The following CEP162 variants were observed in gnomAD, a reference collection of about 807,000 sequenced individuals.
CEP162 encodes centrosomal protein of 162 kDa.
CEP162 carries 141 observed loss-of-function variants against 169.2 expected under a neutral mutation model. The ratio of observed to expected loss-of-function variants is 0.83; its 90% CI spans 0.73 to 0.96. The LOEUF (loss-of-function observed/expected upper bound fraction) is 0.96, where lower values mean the gene tolerates loss of function less well. Among genes scored for constraint, CEP162 ranks in the 40% least tolerant of loss-of-function variants. The pLI, the probability that CEP162 is intolerant of heterozygous loss-of-function variation, is 0.00. For missense variants in CEP162, 1,600 were observed against 1,587.2 expected, an observed-to-expected ratio of 1.01 and a Z score of -0.14; for synonymous variants, 540 against 526.4, an observed-to-expected ratio of 1.03 and a Z score of -0.35.
At chr6:84,212,606 A>T (rs1344819869) in intron 6 of CEP162, among the ~76,000 whole-genome samples, 1 of 151,852 alleles carries the variant, frequency 6.6e-6, no homozygotes, top group Non-Finnish European at 1.5e-5. Flanking sequence ...AAGGAAGGAC[A>T]AAAGCAACAA....
chr6:84,155,375 C>A lies in CEP162; in HGVS notation c.2917G>T (p.Glu973Ter). ...EFMEKRIKKLEADLEGKDEDA... is the reference protein window; with the variant it reads ...EFMEKRIKKL ...TCATCTTTGCCCTCCAGATCAGCTT[C>A]TAGCTTTTTTATCCTTTTCTCCATA... Residue 973 changes from glutamate to a stop codon, truncating the protein, a stop_gained, in exon 22 of 27, where the codon GAA becomes TAA. Coordinates refer to ENST00000403245, the MANE Select transcript of CEP162 (RefSeq NM_014895.4). LOFTEE classifies it high-confidence loss of function. The A allele has an allele frequency of 6.2e-7, 1 of 1,613,690 alleles. No homozygotes were observed. Among genetic ancestry groups the A allele is most frequent in the Non-Finnish European group, 8.5e-7 (1 of 1,179,716 alleles).
rs1268249748 is a variant in CEP162, at chr6:84,185,397, G to C, written c.1453C>G (p.Gln485Glu). 11 of 1,613,366 alleles carry C rather than the reference G, an allele frequency of 6.8e-6. No individual in the cohort carries two copies. Among genetic ancestry groups the C allele is most frequent in the Non-Finnish European group, 1.7e-6 (2 of 1,179,420 alleles). Reference protein sequence around the residue: ...SEEEGAVMGKQVPYKKARSAP... With the variant: ...SEEEGAVMGKEVPYKKARSAP... Reference sequence around the variant, plus strand: ...CTTCTGGCCTTCTTGTATGGTACCTGTTTACCCATTACAGCCCCTTCTTCT... The same window carrying C: ...CTTCTGGCCTTCTTGTATGGTACCTCTTTACCCATTACAGCCCCTTCTTCT... Residue 485 changes from glutamine to glutamate, a missense_variant, in exon 13 of 27, where the codon CAG becomes GAG. Physicochemically the swap from Gln to Glu is conservative, Grantham distance 29. Coordinates refer to ENST00000403245, the MANE Select transcript of CEP162 (RefSeq NM_014895.4).
intron 10 of CEP162, 126 bp from the exon 11 acceptor site, chr6:84,193,816 G>C: frequency 2.0e-6 from 1 of 497,098 alleles, no homozygotes; most frequent in South Asian, 3.0e-5. Flanking sequence ...AATAAACCTA[G>C]TTTTCCGTCT....
At chr6:84,216,107 C>A in intron 3 of CEP162, 185 bp from the exon 4 acceptor site, 1 of 764,332 alleles carries the variant, frequency 1.3e-6, no homozygotes, top group Non-Finnish European at 1.9e-6. Flanking sequence ...TATTTGGTGG[C>A]ACTGTATCAT....
In CEP162 at chr6:84,186,614, T is replaced by C; in HGVS notation, c.1119A>G (p.Lys373=). 3 of 1,601,550 alleles carry C rather than the reference T, an allele frequency of 1.9e-6. No individual in the cohort carries two copies. Among genetic ancestry groups the C allele is most frequent in the Non-Finnish European group, 2.6e-6 (3 of 1,175,214 alleles). The change falls in exon 12 of 27, where the codon AAA becomes AAG. Residue 373 remains lysine (K), a synonymous_variant. Coordinates refer to ENST00000403245, the MANE Select transcript of CEP162 (RefSeq NM_014895.4). ...ATTCAGTTTCTTTTCTTTCGGCCAC[T>C]TTCTCAGAGCTATAAAACAAAACAG... is the stretch of plus-strand genomic sequence containing the variant. ...GFDLQPVSSE[K]VAERKETEFF...
chr6:84,137,023 C>T (rs565335159), intron 25 of CEP162, among the ~76,000 whole-genome samples: 8 of 152,256 alleles, frequency 5.3e-5, no homozygotes, highest in South Asian at 2.1e-4. Context: ...TGGGAGCCAC[C>T]GTGCAAGGAT....
chr6:84,210,562 C>T (rs554264502), intron 6 of CEP162, among the ~76,000 whole-genome samples: 14 of 151,970 alleles, frequency 9.2e-5, no homozygotes, highest in Non-Finnish European at 1.9e-4. Flanking sequence ...TAGAGGAGAG[C>T]GAGATAAGTT....
chr6:84,159,283 C>A (rs566851752), intron 21 of CEP162, among the ~76,000 whole-genome samples: 5 of 150,440 alleles, frequency 3.3e-5, no homozygotes, highest in African/African-American at 1.2e-4. Flanking sequence ...AGTATTAATA[C>A]AAAAGGGAGG....
intron 25 of CEP162, among the ~76,000 whole-genome samples, chr6:84,139,861 G>A (rs974787072): frequency 6.7e-6 from 1 of 149,372 alleles, no homozygotes; most frequent in African/African-American, 2.6e-5. Flanking sequence ...ATCATTTGTT[G>A]TGAGAAGGAG....
intron 13 of CEP162, among the ~76,000 whole-genome samples, chr6:84,179,583 A>G (rs2099533885): frequency 6.6e-6 from 1 of 152,120 alleles, no homozygotes. Context: ...TCAGATGAGT[A>G]GATTGCAAAA....
At chr6:84,163,407 C>A (rs764294620) in intron 18 of CEP162, 137 bp from the exon 19 acceptor site, 24 of 633,190 alleles carry the variant, frequency 3.8e-5, no homozygotes, top group Non-Finnish European at 5.7e-5. Context: ...ATTACTACCA[C>A]CTGCCCCACC....
Position 84,211,211 on chromosome 6 carries a change from T to G in CEP162, c.571+1746A>C, listed in dbSNP as rs75274127. On this transcript the variant is annotated intron_variant, in intron 6 of 26. Coordinates refer to ENST00000403245, the MANE Select transcript of CEP162 (RefSeq NM_014895.4). ...TTTAAAACAAAGATCCAAAATGAAC[T>G]GTTAGAGTGAAAGAAAAAAAAAAAG... is the stretch of plus-strand genomic sequence containing the variant. Among the ~76,000 whole-genome samples, 1,244 of 149,942 alleles carry G rather than the reference T, an allele frequency of 8.3e-3. 17 individuals carry two copies. Among genetic ancestry groups the G allele is most frequent in the African/African-American group, 0.029 (1,189 of 40,746 alleles).
chr6:84,191,031 T>C (rs1311333357), intron 11 of CEP162, among the ~76,000 whole-genome samples: 1 of 152,156 alleles, frequency 6.6e-6, no homozygotes, highest in Non-Finnish European at 1.5e-5. Context: ...AAGTTCCTTA[T>C]AGATTCTGGG....
intron 3 of CEP162, among the ~76,000 whole-genome samples, chr6:84,218,860 C>T (rs2099552561): frequency 6.6e-6 from 1 of 152,192 alleles, no homozygotes; most frequent in African/African-American, 2.4e-5. Context: ...GTAGTGGCAA[C>T]ATGTCCAGGG....
In CEP162 at chr6:84,177,599, G is replaced by A. The variant is rs145839974; in HGVS notation, c.1664-2252C>T. Among the ~76,000 whole-genome samples, 86 of 152,140 alleles carry A rather than the reference G, an allele frequency of 5.7e-4. 1 individual carries two copies. The highest frequency in any genetic ancestry group is 4.8e-3 in the Admixed American group (74 of 15,280). ...TGCCTAGGCTGGACTGCCATGGTGCGATCTCGGCTCACTGCAACCTCCGCC... is the reference window on the plus strand; with the variant it reads ...TGCCTAGGCTGGACTGCCATGGTGCAATCTCGGCTCACTGCAACCTCCGCC... On this transcript the variant is annotated intron_variant, in intron 13 of 26. Coordinates refer to ENST00000403245, the MANE Select transcript of CEP162 (RefSeq NM_014895.4).
chr6:84,174,944 C>A lies in CEP162; in HGVS notation c.1808G>T (p.Gly603Val), dbSNP rs912426742. The A allele has an allele frequency of 1.3e-6, 2 of 1,592,660 alleles. No individual in the cohort carries two copies. Among genetic ancestry groups the A allele is most frequent in the Non-Finnish European group, 1.7e-6 (2 of 1,166,634 alleles). The change falls in exon 15 of 27, where the codon GGA becomes GTA. Residue 603 changes from glycine (G) to valine (V), a missense_variant. Gly to Val is a moderately radical substitution (Grantham distance 109). Transcript: ENST00000403245. The part of the protein sequence containing the change: ...SCIQFQTDSL[G>V]YCGENKEKKL... ...CTTCTCCTTGTTCTCACCACAGTAT[C>A]CTAAGGAATCCTTTCAAGACAAAGC... is the stretch of plus-strand genomic sequence containing the variant.
At chr6:84,211,988 T>A (rs561405180) in intron 6 of CEP162, among the ~76,000 whole-genome samples, 72 of 149,506 alleles carry the variant, frequency 4.8e-4, no homozygotes, top group African/African-American at 1.7e-3. Context: ...AAACTTCTCA[T>A]GAGAAATAAG....
At chr6:84,185,511 A>C in intron 12 of CEP162, 63 bp from the exon 13 acceptor site, 2 of 1,375,818 alleles carry the variant, frequency 1.5e-6, no homozygotes, top group Non-Finnish European at 1.0e-6. Flanking sequence ...TTGTAAATGA[A>C]TATTTAATAG....
chr6:84,132,459 C>G (rs2099511983), intron 25 of CEP162, among the ~76,000 whole-genome samples: 2 of 152,310 alleles, frequency 1.3e-5, no homozygotes, highest in East Asian at 1.9e-4. Context: ...GTTCCATTCT[C>G]CCCGTCACTT....
Sources: allele counts gnomAD v4.1 joint callset (sites outside exome capture counted in the v4.1 genomes callset), GRCh38; gene constraint gnomAD v4.1.1; transcripts MANE v1.5; gene names NCBI Gene and HGNC (gene_info 2026-07-23, HGNC 2026-07-21).